IFT74: variants seen among roughly 807,000 people sequenced by gnomAD.
The protein encoded by IFT74 is intraflagellar transport protein 74 homolog.
A neutral mutation model predicts 96.7 loss-of-function variants in IFT74; 92 were observed. That is an observed-to-expected ratio of 0.95 (90% CI 0.80 to 1.13). The LOEUF (loss-of-function observed/expected upper bound fraction) is 1.13. IFT74 is among the 50% of genes most tolerant of loss of function. IFT74 has a pLI of 0.00. For synonymous variants in IFT74, 223 were observed against 213.2 expected, an observed-to-expected ratio of 1.05 and a Z score of -0.40; for missense variants, 811 against 698.2, an observed-to-expected ratio of 1.16 and a Z score of -1.82.
At chr9:26,961,137 C>T (rs1563933431) in intron 1 of IFT74, among the ~76,000 whole-genome samples, 2 of 144,018 alleles carry the variant, frequency 1.4e-5, no homozygotes, top group Non-Finnish European at 1.5e-5. Flanking sequence ...GTCGCCCAGG[C>T]TGGAGTGCAG....
At chr9:27,000,420 TTATC>T (rs1227201948) in intron 8 of IFT74, among the ~76,000 whole-genome samples, 5 of 152,200 alleles carry the variant, frequency 3.3e-5, no homozygotes, top group African/African-American at 1.2e-4. Flanking sequence ...TCTATTGGCA[TTATC>T]TATCTATTAT....
chr9:26,964,693 A>G (rs1705948678), intron 2 of IFT74, among the ~76,000 whole-genome samples: 1 of 152,158 alleles, frequency 6.6e-6, no homozygotes, highest in African/African-American at 2.4e-5. Context: ...AAATTTCATG[A>G]CATTTCTTTT....
chr9:27,051,573 A>C (rs895799725), intron 16 of IFT74, among the ~76,000 whole-genome samples: 1 of 151,914 alleles, frequency 6.6e-6, no homozygotes, highest in Non-Finnish European at 1.5e-5. Context: ...CTGAATAACA[A>C]CTCCATATTT....
At chr9:26,964,163 G>A (rs1271822386) in intron 2 of IFT74, among the ~76,000 whole-genome samples, 1 of 133,316 alleles carries the variant, frequency 7.5e-6, no homozygotes, top group African/African-American at 2.8e-5. Flanking sequence ...AAGGGATCCA[G>A]TTTCAGCTTT....
intron 4 of IFT74, 125 bp from the exon 5 acceptor site, chr9:26,984,132 T>C (rs371240145): frequency 2.6e-6 from 2 of 754,876 alleles, no homozygotes; most frequent in Admixed American, 3.7e-5. Flanking sequence ...CTTTCTGCAT[T>C]CTTTTAGTGA....
chr9:26,979,440 A>G (rs951119506), intron 3 of IFT74, among the ~76,000 whole-genome samples: 1 of 152,082 alleles, frequency 6.6e-6, no homozygotes, highest in African/African-American at 2.4e-5. Flanking sequence ...TCAAAACAGA[A>G]CCAATATAAT....
At chr9:26,951,742 A>T (rs1825943006), upstream of IFT74, among the ~76,000 whole-genome samples, 1 of 152,178 alleles carries the variant, frequency 6.6e-6, no homozygotes, top group Non-Finnish European at 1.5e-5. Flanking sequence ...CTACTAAAAT[A>T]CAAAAAATTA....
At chr9:27,033,573 CAA>C (rs558712485) in intron 13 of IFT74, among the ~76,000 whole-genome samples, 1,259 of 66,226 alleles carry the variant, frequency 0.019, 17 homozygotes, top group African/African-American at 0.064. Context: ...GACCCTGTCT[CAA>C]AAAAAAAAAA....
chr9:27,033,385 C>T (rs1359141807), intron 13 of IFT74, among the ~76,000 whole-genome samples: 3 of 151,844 alleles, frequency 2.0e-5, no homozygotes, highest in African/African-American at 7.3e-5. Flanking sequence ...GGGCGAAAAC[C>T]TGTCTCTACA....
intron 9 of IFT74, among the ~76,000 whole-genome samples, chr9:27,011,388 G>T (rs996346676): frequency 1.3e-5 from 2 of 152,128 alleles, no homozygotes; most frequent in Non-Finnish European, 1.5e-5. Flanking sequence ...TTACATATAC[G>T]TGTATGTATG....
intron 2 of IFT74, among the ~76,000 whole-genome samples, chr9:26,963,127 G>C (rs552395931): frequency 1.3e-5 from 2 of 151,854 alleles, no homozygotes; most frequent in African/African-American, 4.8e-5. Flanking sequence ...CCCCACAACA[G>C]TCCCCAGAGT....
chr9:27,005,592 C>T (rs1446939861), intron 8 of IFT74: 3 of 151,402 alleles, frequency 2.0e-5, no homozygotes, highest in African/African-American at 7.3e-5. Flanking sequence ...CATATCTTAC[C>T]TTTTTTTCTT....
upstream of IFT74, among the ~76,000 whole-genome samples, chr9:26,954,007 C>T (rs189201807): frequency 2.9e-4 from 44 of 152,338 alleles, no homozygotes; most frequent in African/African-American, 1.0e-3. Context: ...CCTACTCCCT[C>T]ATTCTCCCTT....
intron 13 of IFT74, among the ~76,000 whole-genome samples, chr9:27,032,679 A>C (rs555854043): frequency 2.6e-5 from 4 of 152,070 alleles, no homozygotes; most frequent in Non-Finnish European, 5.9e-5. Flanking sequence ...CAGCCTGACC[A>C]ACATGGTGAA....
chr9:26,993,296 A>G (rs1018758058), intron 8 of IFT74: 1 of 152,180 alleles, frequency 6.6e-6, no homozygotes, highest in Admixed American at 6.5e-5. Context: ...TTAGGAAATA[A>G]TTTAGCAGAA....
intron 13 of IFT74, among the ~76,000 whole-genome samples, chr9:27,041,674 A>G (rs905453379): frequency 3.4e-4 from 51 of 152,200 alleles, no homozygotes; most frequent in African/African-American, 1.1e-3. Flanking sequence ...TCTATCTACA[A>G]TCTCATCCTG....
At chr9:26,987,708 C>T (rs1232450805) in intron 6 of IFT74, among the ~76,000 whole-genome samples, 2 of 152,130 alleles carry the variant, frequency 1.3e-5, no homozygotes, top group African/African-American at 2.4e-5. Context: ...ATTTCTTTTT[C>T]TGTAAAATGT....
chr9:26,995,246 C>A, intron 8 of IFT74: 2 of 225,810 alleles, frequency 8.9e-6, no homozygotes, highest in South Asian at 1.2e-4. Context: ...TAATTTAGAC[C>A]TTTTTACTAG....
At chr9:26,972,355 T>C (rs1036793910) in intron 2 of IFT74, among the ~76,000 whole-genome samples, 4 of 152,218 alleles carry the variant, frequency 2.6e-5, no homozygotes, top group African/African-American at 9.7e-5. Flanking sequence ...CCAACACTGC[T>C]CTAGCTGCAA....
Sources: gnomAD v4.1 joint callset for allele counts (sites outside exome capture counted in the v4.1 genomes callset) on GRCh38, gnomAD v4.1.1 for gene constraint, MANE v1.5 for transcripts, NCBI Gene and HGNC (gene_info 2026-07-23, HGNC 2026-07-21) for gene names.